TBC1D5: variants seen among roughly 807,000 people sequenced by gnomAD.
The protein encoded by TBC1D5 is TBC1 domain family member 5, also known as TBC1 domain family, member 5.
TBC1D5 carries 75 observed loss-of-function variants against 100.3 expected under a neutral mutation model. That is an observed-to-expected ratio of 0.75 (90% CI 0.62 to 0.91). TBC1D5 has a LOEUF of 0.91. Ranked by LOEUF, TBC1D5 falls within the 40% of genes least tolerant of loss-of-function variation. The probability of loss-of-function intolerance (pLI) is 0.00; values close to 1 mark genes in which losing one functional copy is unlikely to be tolerated. For missense variants in TBC1D5, 910 were observed against 942.4 expected (o/e 0.97, Z 0.45); for synonymous variants, 323 against 325.6 (o/e 0.99, Z 0.09).
At chr3:17,310,390 A>T (rs1248221020) in intron 13 of TBC1D5, among the ~76,000 whole-genome samples, 2 of 152,092 alleles carry the variant, frequency 1.3e-5, no homozygotes, top group African/African-American at 2.4e-5. Context: ...GCTGCTTTAT[A>T]AATCTTTCAT....
chr3:17,606,057 A>G (rs1330062015), intron 2 of TBC1D5, among the ~76,000 whole-genome samples: 2 of 152,092 alleles, frequency 1.3e-5, no homozygotes, highest in African/African-American at 4.8e-5. Context: ...TTTCATGACT[A>G]CTCTACTGCC....
intron 2 of TBC1D5, among the ~76,000 whole-genome samples, chr3:17,508,874 A>G (rs2095871944): frequency 6.6e-6 from 1 of 152,192 alleles, no homozygotes; most frequent in Non-Finnish European, 1.5e-5. Context: ...TAAATAAGCT[A>G]AATTCTAAAT....
At chr3:17,270,102 A>G (rs901964893) in intron 15 of TBC1D5, among the ~76,000 whole-genome samples, 1 of 152,180 alleles carries the variant, frequency 6.6e-6, no homozygotes, top group Non-Finnish European at 1.5e-5. Flanking sequence ...ACTAATTTAC[A>G]TTCCCATCAA....
At chr3:17,704,152 G>C (rs1178451216) in intron 1 of TBC1D5, among the ~76,000 whole-genome samples, 10 of 141,414 alleles carry the variant, frequency 7.1e-5, no homozygotes, top group Non-Finnish European at 1.4e-4. Context: ...TCAAGCATCT[G>C]TTTAACAAAG....
chr3:17,259,864 G>C (rs540995751), intron 15 of TBC1D5, among the ~76,000 whole-genome samples: 3 of 152,232 alleles, frequency 2.0e-5, no homozygotes, highest in African/African-American at 7.2e-5. Context: ...TCTCTTCCAA[G>C]CCAGCCCTAA....
intron 16 of TBC1D5, among the ~76,000 whole-genome samples, chr3:17,248,821 G>A (rs1399016082): frequency 1.3e-5 from 2 of 152,148 alleles, no homozygotes; most frequent in Non-Finnish European, 2.9e-5. Flanking sequence ...TCCAGTAGAA[G>A]CCTGTTTCAT....
chr3:17,422,728 A>C (rs1053944866), intron 4 of TBC1D5, among the ~76,000 whole-genome samples: 2 of 152,180 alleles, frequency 1.3e-5, no homozygotes, highest in Non-Finnish European at 2.9e-5. Context: ...TGATGAAAAG[A>C]TATTTCCCGC....
intron 3 of TBC1D5, among the ~76,000 whole-genome samples, chr3:17,490,914 C>A (rs1291362073): frequency 2.0e-5 from 3 of 152,180 alleles, no homozygotes; most frequent in Non-Finnish European, 4.4e-5. Context: ...TGGCCATTTT[C>A]ACAATATTGT....
chr3:17,281,169 T>G (rs2080547712), intron 15 of TBC1D5, among the ~76,000 whole-genome samples: 1 of 152,180 alleles, frequency 6.6e-6, no homozygotes, highest in Admixed American at 6.5e-5. Flanking sequence ...TCATACATCT[T>G]TACGTGTTTC....
At chr3:17,297,641 A>G (rs1235459734) in intron 14 of TBC1D5, among the ~76,000 whole-genome samples, 2 of 152,002 alleles carry the variant, frequency 1.3e-5, no homozygotes, top group African/African-American at 4.8e-5. Context: ...ATAGTCCAGT[A>G]GCATGATCAC....
chr3:17,256,455 T>C (rs1260034810), intron 16 of TBC1D5, among the ~76,000 whole-genome samples: 2 of 148,592 alleles, frequency 1.3e-5, no homozygotes, highest in Admixed American at 6.7e-5. Flanking sequence ...CATTGTGTTA[T>C]ATATATATAA....
At chr3:17,561,323 A>G (rs2096557595) in intron 2 of TBC1D5, among the ~76,000 whole-genome samples, 1 of 152,222 alleles carries the variant, frequency 6.6e-6, no homozygotes, top group Non-Finnish European at 1.5e-5. Flanking sequence ...ATAAAAACTT[A>G]GAGGGTTCAA....
chr3:17,488,332 T>A (rs2095596448), intron 3 of TBC1D5, among the ~76,000 whole-genome samples: 1 of 152,222 alleles, frequency 6.6e-6, no homozygotes, highest in Non-Finnish European at 1.5e-5. Context: ...TATCACTGAA[T>A]AATTCCATTG....
At chr3:17,332,045 A>G (rs964824017) in intron 13 of TBC1D5, among the ~76,000 whole-genome samples, 1 of 152,154 alleles carries the variant, frequency 6.6e-6, no homozygotes, top group Non-Finnish European at 1.5e-5. Context: ...TTCTATTTTA[A>G]ATGGGCCAAT....
chr3:17,310,136 T>C lies in TBC1D5; in HGVS notation c.996-2002A>G, dbSNP rs192098140. On this transcript the variant is annotated intron_variant, in intron 13 of 21. Coordinates refer to ENST00000253692, the Ensembl canonical transcript of TBC1D5. ...TTCCTAGAAATAATTTCTATACCCA[T>C]TATTTCTACAACAAACTGCCCAGTT... Among the ~76,000 whole-genome samples, 528 of 152,196 alleles carry C rather than the reference T, an allele frequency of 3.5e-3. 4 individuals carry two copies. Among genetic ancestry groups the C allele is most frequent in the African/African-American group, 0.012 (500 of 41,556 alleles).
intron 4 of TBC1D5, among the ~76,000 whole-genome samples, chr3:17,419,206 G>A (rs1472366109): frequency 6.6e-6 from 1 of 152,176 alleles, no homozygotes; most frequent in Admixed American, 6.5e-5. Flanking sequence ...TGCTACATAA[G>A]TACAAGGATA....
chr3:17,618,116 T>C (rs1175787849), intron 2 of TBC1D5, among the ~76,000 whole-genome samples: 5 of 151,682 alleles, frequency 3.3e-5, no homozygotes, highest in Non-Finnish European at 1.5e-5. Context: ...GTGTTGATGC[T>C]ATTCCTTTCT....
At chr3:17,619,730 T>C (rs1175349794) in intron 2 of TBC1D5, among the ~76,000 whole-genome samples, 7 of 152,138 alleles carry the variant, frequency 4.6e-5, no homozygotes, top group Non-Finnish European at 1.0e-4. Context: ...AAAGTACAGA[T>C]ATAAAATTTC....
intron 1 of TBC1D5, among the ~76,000 whole-genome samples, chr3:17,694,815 A>T (rs2071753673): frequency 6.6e-6 from 1 of 152,222 alleles, no homozygotes; most frequent in Non-Finnish European, 1.5e-5. Flanking sequence ...TAAGGTTGAA[A>T]TGAAGGAAAA....
Sources: gnomAD v4.1 joint callset for allele counts (sites outside exome capture counted in the v4.1 genomes callset) on GRCh38, gnomAD v4.1.1 for gene constraint, MANE v1.5 for transcripts, NCBI Gene and HGNC (gene_info 2026-07-23, HGNC 2026-07-21) for gene names.